The following GSR variants were observed in gnomAD, a reference collection of about 807,000 sequenced individuals.
GSR encodes glutathione reductase, mitochondrial.
Under a neutral mutation model 56.5 loss-of-function variants are expected in GSR, and 48 were observed. That is an observed-to-expected ratio of 0.85 (90% confidence interval 0.67 to 1.08). The LOEUF is 1.08. Among genes scored for constraint, GSR ranks in the 50% least tolerant of loss-of-function variants. The probability of loss-of-function intolerance (pLI) is 0.00; values close to 1 mark genes in which losing one functional copy is unlikely to be tolerated. For missense variants in GSR, 694 were observed against 703.3 expected, an observed-to-expected ratio of 0.99 and a Z score of 0.15; for synonymous variants, 264 against 270.8, an observed-to-expected ratio of 0.97 and a Z score of 0.25.
At position 30,693,023 on chromosome 8, in the gene GSR, G is replaced by A; in HGVS notation, c.828C>T (p.Thr276=). Residue 276 remains threonine, a synonymous_variant, in exon 8 of 13, where the codon ACC becomes ACT. Transcript: ENST00000221130. ...CGTTCTCCAGCTCCTCCGTGCAGTT[G>A]GTGCTGATCATTGAATCAAAACTTC... ...VLRSFDSMIS[T]NCTEELENAG... is the part of the protein sequence containing the mutation. 6.2e-7 allele frequency: 1 copy of A among 1,612,344 alleles called. No individual in the cohort carries two copies. The highest frequency in any genetic ancestry group is 8.5e-7 in the Non-Finnish European group (1 of 1,178,688).
At chr8:30,685,517 A>AAAACAC (rs1803131079) in intron 9 of GSR, among the ~76,000 whole-genome samples, 1 of 152,214 alleles carries the variant, frequency 6.6e-6, no homozygotes, top group African/African-American at 2.4e-5. Flanking sequence ...AAACAAAACA[A>AAAACAC]AAACACATAT....
chr8:30,688,754 A>G (rs920268573), intron 9 of GSR, among the ~76,000 whole-genome samples: 21 of 151,276 alleles, frequency 1.4e-4, no homozygotes, highest in Non-Finnish European at 2.1e-4. Context: ...CCTCATCTCT[A>G]AAAAAAATAA....
intron 8 of GSR, among the ~76,000 whole-genome samples, chr8:30,692,108 G>GA (rs372829819): frequency 0.021 from 2,051 of 96,088 alleles, 47 homozygotes; most frequent in South Asian, 0.029. Context: ...GTCTCAAAAA[G>GA]AAAAAAAAAA....
intron 6 of GSR, among the ~76,000 whole-genome samples, chr8:30,697,613 G>A (rs1803593773): frequency 1.3e-5 from 2 of 152,086 alleles, no homozygotes; most frequent in African/African-American, 4.8e-5. Flanking sequence ...GGGTGACAGA[G>A]CAAAAGACCC....
Position 30,710,011 on chromosome 8 carries a change from C to T in GSR, c.334-109G>A, listed in dbSNP as rs78582187. The T allele has an allele frequency of 6.2e-3, 4,332 of 703,184 alleles. 129 individuals are homozygous for T. The African/African-American group carries it at 0.07, about 11-fold the overall frequency. The allele number at this position is 703,184 out of a possible 1,614,324, so 43.6% of individuals were successfully genotyped here. On this transcript the variant is annotated intron_variant, in intron 2 of 12. Coordinates refer to ENST00000221130, the MANE Select transcript of GSR (RefSeq NM_000637.5). ...TAGGTAACAGCAGATAAAAATACTG[C>T]CCTTTAAATTAAAAACAAACCTAGC... is the stretch of plus-strand genomic sequence containing the variant.
In GSR at chr8:30,679,604, C is replaced by T; in HGVS notation, c.1485G>A (p.Val495=). 1 of 1,613,974 alleles carries T rather than the reference C, an allele frequency of 6.2e-7. No homozygotes were observed. The highest frequency in any genetic ancestry group is 8.5e-7 in the Non-Finnish European group (1 of 1,179,864). The change falls in exon 13 of 13, where the codon GTG becomes GTA. Residue 495 remains valine (V), a synonymous_variant. Coordinates refer to ENST00000221130, the MANE Select transcript of GSR (RefSeq NM_000637.5). The stretch of plus-strand genomic sequence containing the variant: ...AGTCTGCCTTCGTTGCTCCCATCTT[C>T]ACTGCAACAGCAAAACCCTGCAGCA... The part of the protein sequence containing the change: ...DEMLQGFAVA[V]KMGATKADFD...
rs1804787405 is a variant in GSR, at chr8:30,727,645, G to A, written c.191C>T (p.Ser64Phe). 1.1e-5 allele frequency: 16 copies of A among 1,477,734 alleles called. No homozygotes were observed. Among genetic ancestry groups the A allele is most frequent in the East Asian group, 2.8e-5 (1 of 35,736 alleles). 91.5% of individuals were successfully genotyped at this position (1,477,734 alleles called of 1,614,324 possible). A position where few individuals can be genotyped will look rare whatever the true frequency, so the allele number is the denominator to read the frequency against. The change falls in exon 1 of 13, where the codon TCC becomes TTC. Residue 64 changes from serine (S) to phenylalanine (F), a missense_variant. By Grantham distance (155) the Ser-to-Phe change is radical (BLOSUM62 -2). Transcript: ENST00000221130. Reference sequence around the variant, plus strand: ...GCCCCCGATCACCAGGTAGTCATAGGAGGCCACGGCGCCAGCAGCGGGCGG... The same window carrying A: ...GCCCCCGATCACCAGGTAGTCATAGAAGGCCACGGCGCCAGCAGCGGGCGG... ...GPPPAAGAVA[S>F]YDYLVIGGGS...
chr8:30,717,866 C>T (rs2911671), intron 1 of GSR, among the ~76,000 whole-genome samples: 120,708 of 151,990 alleles, frequency 0.79, 50,970 homozygotes, highest in Non-Finnish European at 0.94. Context: ...TTTGGGAGGC[C>T]GAGGCGGGCA....
At position 30,679,669 on chromosome 8, in the gene GSR, C is replaced by G; in HGVS notation, c.1420G>C (p.Val474Leu). The stretch of plus-strand genomic sequence containing the variant: ...AGTCCCTGCATATGGATCCCAACCA[C>G]CTGGGAAAAGAAGAGAAACATTTTC... ...KMVCANKEEKVVGIHMQGLGC... is the reference protein window; with the variant it reads ...KMVCANKEEKLVGIHMQGLGC... The change falls in exon 13 of 13, where the codon GTG (valine) becomes CTG (leucine). Residue 474 changes from valine to leucine, a missense_variant and splice_region_variant. Coordinates refer to ENST00000221130, the MANE Select transcript of GSR (RefSeq NM_000637.5). The G allele has an allele frequency of 6.2e-7, 1 of 1,612,596 alleles. No individual in the cohort carries two copies. Among genetic ancestry groups the G allele is most frequent in the African/African-American group, 1.3e-5 (1 of 74,870 alleles).
chr8:30,717,479 C>T (rs566602055), intron 1 of GSR, among the ~76,000 whole-genome samples: 158 of 151,844 alleles, frequency 1.0e-3, no homozygotes, highest in Non-Finnish European at 2.0e-3. Context: ...GGCAAGTGAG[C>T]GAAGCTTCAT....
chr8:30,726,012 T>A (rs920396105), intron 1 of GSR, among the ~76,000 whole-genome samples: 2 of 151,710 alleles, frequency 1.3e-5, no homozygotes, highest in African/African-American at 4.9e-5. Flanking sequence ...TGAGAAGTGA[T>A]CAAGTACTCT....
intron 1 of GSR, among the ~76,000 whole-genome samples, chr8:30,722,641 AG>A (rs1804581744): frequency 6.7e-6 from 1 of 148,838 alleles, no homozygotes; most frequent in African/African-American, 2.5e-5. Flanking sequence ...CTGAGGTGGG[AG>A]GGTCACTTGA....
At chr8:30,701,140 G>C (rs1201314700) in intron 5 of GSR, among the ~76,000 whole-genome samples, 2 of 152,050 alleles carry the variant, frequency 1.3e-5, no homozygotes, top group Non-Finnish European at 2.9e-5. Flanking sequence ...CCTTCTCTCT[G>C]TAGCCCCCCT....
At chr8:30,680,790 C>A in intron 12 of GSR, 114 bp downstream of exon 12, 3 of 902,628 alleles carry the variant, frequency 3.3e-6, no homozygotes, top group Non-Finnish European at 5.5e-6. Context: ...GTGGGCCTGT[C>A]CAGTTGAATC....
chr8:30,719,307 G>T (rs1235747292), intron 1 of GSR, among the ~76,000 whole-genome samples: 1 of 151,162 alleles, frequency 6.6e-6, no homozygotes, highest in Admixed American at 6.6e-5. Context: ...TAGTAGAGAC[G>T]GAGTTTCACC....
chr8:30,707,755 G>C (rs547184864), intron 4 of GSR, among the ~76,000 whole-genome samples: 14 of 152,196 alleles, frequency 9.2e-5, no homozygotes, highest in African/African-American at 3.1e-4. Context: ...AGGAGTTCGA[G>C]ACCAGCCTGG....
intron 11 of GSR, 23 bp from the exon 12 acceptor site, chr8:30,681,060 C>T (rs766182650): frequency 1.9e-6 from 3 of 1,591,468 alleles, no homozygotes; most frequent in Non-Finnish European, 2.6e-6. Flanking sequence ...TTAAAAAAAG[C>T]ATCTATCAGA....
chr8:30,693,198 T>C, intron 7 of GSR, 143 bp from the exon 8 acceptor site: 2 of 691,972 alleles, frequency 2.9e-6, no homozygotes, highest in Non-Finnish European at 5.3e-6. Flanking sequence ...AGTGGAGTAT[T>C]AATAAATTCC....
At chr8:30,721,851 T>C (rs1354594214) in intron 1 of GSR, among the ~76,000 whole-genome samples, 1 of 150,350 alleles carries the variant, frequency 6.7e-6, no homozygotes, top group Non-Finnish European at 1.5e-5. Context: ...TGAAACCTCG[T>C]CTCTACAAAA....
Sources: allele counts gnomAD v4.1 joint callset (sites outside exome capture counted in the v4.1 genomes callset), GRCh38; gene constraint gnomAD v4.1.1; transcripts MANE v1.5; gene names NCBI Gene and HGNC (gene_info 2026-07-23, HGNC 2026-07-21).